CHIA: variants seen among roughly 807,000 people sequenced by gnomAD.
CHIA encodes the protein acidic mammalian chitinase.
Under a neutral mutation model 53.5 loss-of-function variants are expected in CHIA, and 47 were observed. The ratio of observed to expected loss-of-function variants is 0.88; its 90% confidence interval spans 0.70 to 1.12. CHIA has a LOEUF of 1.12. CHIA is among the 50% of genes most tolerant of loss of function. The pLI is 0.00. For synonymous variants in CHIA, 268 were observed against 222.2 expected (o/e 1.21, Z -1.83); for missense variants, 652 against 592.2 (o/e 1.10, Z -1.05).
chr1:111,318,690 G>A lies in CHIA; in HGVS notation c.915+12G>A. 1.2e-6 allele frequency: 2 copies of A among 1,606,994 alleles called. No homozygotes were observed. Among genetic ancestry groups the A allele is most frequent in the South Asian group, 2.2e-5 (2 of 90,232 alleles). ...GGGCTTACTACGAGGTATGTAGATT[G>A]GACTGAAAAGTGCTCTGTGAATTCC... On this transcript the variant is annotated intron_variant, in intron 9 of 11. Coordinates refer to ENST00000369740, the MANE Select transcript of CHIA (RefSeq NM_201653.4).
chr1:111,299,065 A>G (rs575297587), intron 1 of CHIA, among the ~76,000 whole-genome samples: 14 of 152,332 alleles, frequency 9.2e-5, no homozygotes, highest in South Asian at 2.1e-4. Context: ...GAATAGATCA[A>G]TAACAGGCTC....
intron 1 of CHIA, among the ~76,000 whole-genome samples, chr1:111,302,328 C>A (rs1647823207): frequency 6.6e-6 from 1 of 151,976 alleles, no homozygotes; most frequent in African/African-American, 2.4e-5. Context: ...TTTTCTAGCT[C>A]CTTAGGTGTA....
chr1:111,311,245 G>A (rs951572997), intron 2 of CHIA, among the ~76,000 whole-genome samples: 4 of 152,094 alleles, frequency 2.6e-5, no homozygotes, highest in Non-Finnish European at 4.4e-5. Flanking sequence ...CTCATATAAG[G>A]CCTCCTGAAA....
chr1:111,297,694 C>T (rs112031408), intron 1 of CHIA, among the ~76,000 whole-genome samples: 69 of 152,034 alleles, frequency 4.5e-4, no homozygotes, highest in East Asian at 2.5e-3. Flanking sequence ...CAGCTAACAT[C>T]GTAATGACAG....
At chr1:111,297,803 C>A (rs1647302372) in intron 1 of CHIA, among the ~76,000 whole-genome samples, 1 of 148,630 alleles carries the variant, frequency 6.7e-6, no homozygotes, top group South Asian at 2.1e-4. Context: ...AGTCAAGGTC[C>A]ATCAGTGTGC....
At position 111,317,980 on chromosome 1, in the gene CHIA, C is replaced by T. The variant is rs902794603; in HGVS notation, c.606-6C>T. On this transcript the variant is annotated splice_polypyrimidine_tract_variant and splice_region_variant and intron_variant, in intron 7 of 11. Transcript: ENST00000369740. ...GAATGATTTTAAATCCTCCACCCCA[C>T]CTCAGGTACCTGGACTACATCCATG... 2 of 1,614,014 alleles carry T rather than the reference C, an allele frequency of 1.2e-6. No individual in the cohort carries two copies. The highest frequency in any genetic ancestry group is 1.3e-5 in the African/African-American group (1 of 74,944).
chr1:111,317,462 G>A (rs920242060), intron 6 of CHIA: 27 of 465,878 alleles, frequency 5.8e-5, no homozygotes, highest in African/African-American at 3.2e-4. Flanking sequence ...TGGGACTTTG[G>A]TGAAGTGTCC....
At chr1:111,297,595 C>A (rs1647277097) in intron 1 of CHIA, among the ~76,000 whole-genome samples, 2 of 152,116 alleles carry the variant, frequency 1.3e-5, no homozygotes, top group African/African-American at 4.8e-5. Context: ...TAGAAAGGAA[C>A]AACTGGTACC....
At chr1:111,317,449 G>T (rs1222770676) in intron 6 of CHIA, 3 of 432,754 alleles carry the variant, frequency 6.9e-6, no homozygotes, top group African/African-American at 4.0e-5. Flanking sequence ...TACTAACTCA[G>T]TGTGGGACTT....
At chr1:111,295,560 T>A (rs1378269646) in intron 1 of CHIA, among the ~76,000 whole-genome samples, 1 of 151,980 alleles carries the variant, frequency 6.6e-6, no homozygotes, top group Non-Finnish European at 1.5e-5. Flanking sequence ...ACAGCTCCCG[T>A]CTGCAGCTCC....
intron 1 of CHIA, among the ~76,000 whole-genome samples, chr1:111,302,263 G>T (rs555186381): frequency 1.3e-5 from 2 of 151,848 alleles, no homozygotes; most frequent in East Asian, 1.9e-4. Context: ...TTATCTGAGC[G>T]CCAGTCTTTA....
At chr1:111,318,929 T>C (rs1649408891) in intron 9 of CHIA, among the ~76,000 whole-genome samples, 191 bp from the exon 10 acceptor site, 1 of 152,210 alleles carries the variant, frequency 6.6e-6, no homozygotes, top group African/African-American at 2.4e-5. Flanking sequence ...AAAATAAATA[T>C]ACCTCTCATA....
intron 5 of CHIA, 77 bp from the exon 6 acceptor site, chr1:111,315,193 G>A (rs1354895968): frequency 9.2e-7 from 1 of 1,082,004 alleles, no homozygotes; most frequent in Admixed American, 1.8e-5. Context: ...CTCTGAGGCA[G>A]GAATTGAGAG....
chr1:111,314,417 G>A, intron 4 of CHIA, 123 bp from the exon 5 acceptor site: 1 of 628,494 alleles, frequency 1.6e-6, no homozygotes, highest in Non-Finnish European at 2.8e-6. Flanking sequence ...AGTAGGGGAG[G>A]AAAATTGTTC....
At chr1:111,308,631 A>T (rs1455506745) in intron 1 of CHIA, among the ~76,000 whole-genome samples, 2 of 152,172 alleles carry the variant, frequency 1.3e-5, no homozygotes, top group East Asian at 1.9e-4. Context: ...TGTAAATCCA[A>T]GTGCCCTGCC....
Position 111,312,295 on chromosome 1 carries a change from T to C in CHIA, c.161T>C (p.Leu54Pro). The C allele has an allele frequency of 1.2e-6, 2 of 1,613,878 alleles. No individual in the cohort carries two copies. Among genetic ancestry groups the C allele is most frequent in the Non-Finnish European group, 8.5e-7 (1 of 1,179,902 alleles). Reference protein sequence around the residue: ...DNIDPCLCTHLIYAFAGRQNN... With the variant: ...DNIDPCLCTHPIYAFAGRQNN... ...ATCGACCCCTGCCTCTGTACCCACC[T>C]GATCTACGCCTTTGCTGGGAGGCAG... The change falls in exon 4 of 12, where the codon CTG becomes CCG. Residue 54 changes from leucine (L) to proline (P), a missense_variant. Transcript: ENST00000369740.
intron 6 of CHIA, 30 bp from the exon 7 acceptor site, chr1:111,317,651 G>C (rs1351064836): frequency 6.2e-7 from 1 of 1,613,518 alleles, no homozygotes; most frequent in Admixed American, 1.7e-5. Context: ...CAGCATCATA[G>C]ATGTCCTATT....
At chr1:111,313,544 TACTA>T (rs1309574563) in intron 4 of CHIA, among the ~76,000 whole-genome samples, 4 of 152,200 alleles carry the variant, frequency 2.6e-5, no homozygotes, top group African/African-American at 4.8e-5. Context: ...ATATTTTTGA[TACTA>T]ACTAACTCCT....
rs191511347 is a variant in CHIA, at chr1:111,306,770, A to G, written c.-68-3630A>G. On this transcript the variant is annotated intron_variant, in intron 1 of 11. Coordinates refer to ENST00000369740, the MANE Select transcript of CHIA (RefSeq NM_201653.4). ...AATTAATAAACTTGTGGGCAGCACA[A>G]TAGAAAAATGGGCAAAAGATACAAG... Among the ~76,000 whole-genome samples, 28 of 152,348 alleles carry G rather than the reference A, an allele frequency of 1.8e-4. No homozygotes were observed. The East Asian group carries it at 4.0e-3, about 22-fold the overall frequency.
Sources: allele counts gnomAD v4.1 joint callset (sites outside exome capture counted in the v4.1 genomes callset), GRCh38; gene constraint gnomAD v4.1.1; transcripts MANE v1.5; gene names NCBI Gene and HGNC (gene_info 2026-07-23, HGNC 2026-07-21).